Variants in LAMB4 observed in about 807,000 individuals in gnomAD.
LAMB4 encodes the protein laminin subunit beta-4.
A neutral mutation model predicts 199.2 loss-of-function variants in LAMB4; 196 were observed. That is an observed-to-expected ratio of 0.98 (90% CI 0.88 to 1.11). The LOEUF is 1.11. Ranked by LOEUF, LAMB4 falls within the 50% of genes least tolerant of loss-of-function variation. The probability of loss-of-function intolerance (pLI) is 0.00; values close to 1 mark genes in which losing one functional copy is unlikely to be tolerated. For synonymous variants in LAMB4, 744 were observed against 770.6 expected, an observed-to-expected ratio of 0.97 and a Z score of 0.57; for missense variants, 2,080 against 2,171.2, an observed-to-expected ratio of 0.96 and a Z score of 0.83.
intron 19 of LAMB4, among the ~76,000 whole-genome samples, 153 bp from the exon 20 acceptor site, chr7:108,066,753 G>A (rs1271697823): frequency 1.3e-5 from 2 of 152,098 alleles, no homozygotes; most frequent in Admixed American, 1.3e-4. Context: ...TGAGTTCCAG[G>A]TAAACGTTAA....
At chr7:108,109,071 T>C in intron 5 of LAMB4, 100 bp downstream of exon 5, 1 of 873,890 alleles carries the variant, frequency 1.1e-6, no homozygotes, top group Non-Finnish European at 1.9e-6. Flanking sequence ...ACTTATTCTG[T>C]TTTTGTTCAC....
rs149879443 is a variant in LAMB4 at position 108,038,783 on chromosome 7, T to C, written c.4472-1188A>G. Among the ~76,000 whole-genome samples, 673 of 152,352 alleles carry C rather than the reference T, an allele frequency of 4.4e-3. 7 individuals carry two copies. Among genetic ancestry groups the C allele is most frequent in the African/African-American group, 0.016 (651 of 41,580 alleles). On this transcript the variant is annotated intron_variant, in intron 29 of 33. Transcript: ENST00000388781. ...GCCAAAAGATTGGATACTCCTGTGTTACAGCAAAGCCATTTGTCACTCTCC... is the reference window on the plus strand; with the variant it reads ...GCCAAAAGATTGGATACTCCTGTGTCACAGCAAAGCCATTTGTCACTCTCC...
intron 29 of LAMB4, among the ~76,000 whole-genome samples, chr7:108,042,934 T>C (rs972176068): frequency 7.3e-6 from 1 of 137,084 alleles, no homozygotes; most frequent in African/African-American, 2.9e-5. Context: ...TCTCTCTCAA[T>C]CTCTGTGTGT....
rs114628150 is a variant in LAMB4 at position 108,047,402 on chromosome 7, C to A, written c.4326+506G>T. 6.4e-3 allele frequency among the ~76,000 whole-genome samples: 969 copies of A among 152,206 alleles called. 9 individuals carry two copies. The highest frequency in any genetic ancestry group is 0.022 in the African/African-American group (919 of 41,522). ...CTACTCAATGTGATGACGATGAAGA[C>A]CTTAATGATGATCTATTTCCTCTCA... On this transcript the variant is annotated intron_variant, in intron 28 of 33. Coordinates refer to ENST00000388781, the MANE Select transcript of LAMB4 (RefSeq NM_007356.3).
intron 7 of LAMB4, 60 bp from the exon 8 acceptor site, chr7:108,106,091 T>G: frequency 2.4e-6 from 3 of 1,237,122 alleles, no homozygotes; most frequent in Non-Finnish European, 3.6e-6. Context: ...CAAGGGACTC[T>G]TCTTGACTGA....
intron 30 of LAMB4, among the ~76,000 whole-genome samples, chr7:108,036,253 A>C (rs2035226737): frequency 6.6e-6 from 1 of 150,902 alleles, no homozygotes; most frequent in South Asian, 2.1e-4. Context: ...GCAACGGCGC[A>C]ATCTTGGCTC....
intron 31 of LAMB4, among the ~76,000 whole-genome samples, chr7:108,031,600 C>T (rs1398495213): frequency 6.6e-6 from 1 of 151,898 alleles, no homozygotes; most frequent in African/African-American, 2.4e-5. Flanking sequence ...GTATTCCTAA[C>T]AATATATAGT....
Position 108,103,321 on chromosome 7 carries a change from C to G in LAMB4, c.992-89G>C, listed in dbSNP as rs369024392. Reference sequence around the variant, plus strand: ...CGCACTGGTCAGGGCACCCGCTAGTCCTCCTTGTCCTCCTGCCATTTCGTG... The same window carrying G: ...CGCACTGGTCAGGGCACCCGCTAGTGCTCCTTGTCCTCCTGCCATTTCGTG... On this transcript the variant is annotated intron_variant, in intron 9 of 33. Coordinates refer to ENST00000388781, the MANE Select transcript of LAMB4 (RefSeq NM_007356.3). 6.4e-5 allele frequency: 64 copies of G among 1,004,064 alleles called. No individual in the cohort carries two copies. In the East Asian group the frequency reaches 1.4e-3, roughly 22 times the overall value. The allele number at this position is 1,004,064 out of a possible 1,614,324, so 62.2% of individuals were successfully genotyped here. A position where few individuals can be genotyped will look rare whatever the true frequency, so the allele number is the denominator to read the frequency against.
chr7:108,111,702 C>G (rs1030839859), intron 4 of LAMB4, 109 bp downstream of exon 4: 1 of 917,326 alleles, frequency 1.1e-6, no homozygotes, highest in Non-Finnish European at 1.7e-6. Flanking sequence ...GGATACTGTT[C>G]CATTCCAATA....
rs989305205 is a variant in LAMB4, at chr7:108,024,151, T to G, written c.5174A>C (p.Asn1725Thr). The G allele has an allele frequency of 1.3e-6, 2 of 1,576,306 alleles. No individual in the cohort carries two copies. The highest frequency in any genetic ancestry group is 3.6e-5 in the Admixed American group (2 of 54,962). The change falls in exon 34 of 34, where the codon AAT (asparagine) becomes ACT (threonine). Residue 1725 changes from asparagine (N) to threonine (T), a missense_variant. Physicochemically the swap from Asn to Thr is moderately conservative, Grantham distance 65. Transcript: ENST00000388781. ...ATCAGCTTTTGCTTGTCTACTTAGA[T>G]TCAAATCTTGGATTTTCCTTTCTAA... ...TDLERKIQDL[N>T]LSRQAKADQL...
chr7:108,068,203 A>G (rs1227526423), intron 18 of LAMB4, 44 bp from the exon 19 acceptor site: 2 of 1,606,196 alleles, frequency 1.2e-6, no homozygotes, highest in Non-Finnish European at 1.7e-6. Context: ...ATGAAGAGGC[A>G]GAGAAGCACC....
At chr7:108,019,958 A>T (rs1431992997), downstream of LAMB4, among the ~76,000 whole-genome samples, 1 of 152,074 alleles carries the variant, frequency 6.6e-6, no homozygotes, top group African/African-American at 2.4e-5. Flanking sequence ...CACACCAGCT[A>T]CCTCATGGCA....
Position 108,063,004 on chromosome 7 carries a change from CA to C in LAMB4, c.3062-11del. 6.5e-7 allele frequency: 1 copy of C among 1,527,400 alleles called. No individual in the cohort carries two copies. Among genetic ancestry groups the C allele is most frequent in the Non-Finnish European group, 8.8e-7 (1 of 1,132,750 alleles). The allele number at this position is 1,527,400 out of a possible 1,614,324, so 94.6% of individuals were successfully genotyped here. A position where few individuals can be genotyped will look rare whatever the true frequency, so the allele number is the denominator to read the frequency against. ...GCATGGCAGGAGCATCCTGTGATGA[CA>C]AAACCATCATCAGAGGTAAATTCAA... On this transcript the variant is annotated splice_polypyrimidine_tract_variant and intron_variant, in intron 22 of 33. Coordinates refer to ENST00000388781, the MANE Select transcript of LAMB4 (RefSeq NM_007356.3).
downstream of LAMB4, among the ~76,000 whole-genome samples, chr7:108,020,005 G>T (rs2034657107): frequency 6.6e-6 from 1 of 152,028 alleles, no homozygotes; most frequent in African/African-American, 2.4e-5. Flanking sequence ...TTTCTGATGT[G>T]GCTAGCTGGG....
intron 1 of LAMB4, among the ~76,000 whole-genome samples, chr7:108,124,650 G>T (rs2038714827): frequency 7.0e-6 from 1 of 142,066 alleles, no homozygotes; most frequent in African/African-American, 2.5e-5. Context: ...TTAAATATCT[G>T]TCAGTTTAAA....
intron 12 of LAMB4, 87 bp from the exon 13 acceptor site, chr7:108,092,503 C>T (rs1056894622): frequency 7.0e-6 from 7 of 998,282 alleles, no homozygotes; most frequent in African/African-American, 6.4e-5. Flanking sequence ...AATGCAATTG[C>T]CACACGTCAA....
intron 18 of LAMB4, among the ~76,000 whole-genome samples, chr7:108,069,068 G>A (rs1281396083): frequency 6.6e-6 from 1 of 152,120 alleles, no homozygotes; most frequent in African/African-American, 2.4e-5. Flanking sequence ...CTGTCCTAAT[G>A]GAAAAAGCAT....
chr7:108,082,257 A>G (rs376552), intron 14 of LAMB4, among the ~76,000 whole-genome samples: 61,223 of 150,542 alleles, frequency 0.41, 12,771 homozygotes, highest in East Asian at 0.58. Flanking sequence ...GTGAACCCGG[A>G]AGGCGGAGCT....
intron 2 of LAMB4, among the ~76,000 whole-genome samples, chr7:108,117,274 T>C (rs1279028983): frequency 6.6e-6 from 1 of 152,140 alleles, no homozygotes; most frequent in African/African-American, 2.4e-5. Flanking sequence ...CAAAGGAAAC[T>C]CTACATGCAA....
Sources: allele counts gnomAD v4.1 joint callset (sites outside exome capture counted in the v4.1 genomes callset), GRCh38; gene constraint gnomAD v4.1.1; transcripts MANE v1.5; gene names NCBI Gene and HGNC (gene_info 2026-07-23, HGNC 2026-07-21).